The following ATP10B variants were observed in gnomAD, a reference collection of about 807,000 sequenced individuals.
The protein encoded by ATP10B is phospholipid-transporting ATPase VB.
In ATP10B, 122 loss-of-function variants were observed where a neutral mutation model predicts 141.2. The observed-to-expected ratio is 0.86, with a 90% CI of 0.75 to 1.00. The LOEUF (loss-of-function observed/expected upper bound fraction) is 1.00, where lower values mean the gene tolerates loss of function less well. ATP10B is among the 50% of genes least tolerant of loss of function. The pLI is 0.00. For missense variants in ATP10B, 1,876 were observed against 1,825.3 expected (o/e 1.03, Z -0.51); for synonymous variants, 685 against 692.0 (o/e 0.99, Z 0.16).
At chr5:160,697,879 G>T (rs1388776463) in intron 3 of ATP10B, among the ~76,000 whole-genome samples, 1 of 152,082 alleles carries the variant, frequency 6.6e-6, no homozygotes, top group South Asian at 2.1e-4. Flanking sequence ...TTTAACCCCC[G>T]ATTGGTTTTC....
chr5:160,647,578 C>T (rs1330197539), intron 8 of ATP10B, among the ~76,000 whole-genome samples: 1 of 152,134 alleles, frequency 6.6e-6, no homozygotes, highest in African/African-American at 2.4e-5. Context: ...TGGCTGTTAG[C>T]CTGAGCTGTT....
At chr5:160,878,099 A>T in the ATP10B span, among the ~76,000 whole-genome samples, 1 of 150,818 alleles carries the variant, frequency 6.6e-6, no homozygotes. Flanking sequence ...AAAAGAACAA[A>T]GCTGGAGGCA....
chr5:160,881,458 T>C, the ATP10B span, among the ~76,000 whole-genome samples: 67 of 152,312 alleles, frequency 4.4e-4, no homozygotes, highest in African/African-American at 1.5e-3. Context: ...CCAAAGGGAT[T>C]TAAAACTTTT....
At chr5:160,648,755 C>A (rs1760474626) in intron 8 of ATP10B, among the ~76,000 whole-genome samples, 1 of 152,102 alleles carries the variant, frequency 6.6e-6, no homozygotes, top group South Asian at 2.1e-4. Flanking sequence ...TACCCAAGGT[C>A]ATACAGCTTG....
At chr5:160,873,632 C>A in the ATP10B span, among the ~76,000 whole-genome samples, 1 of 152,204 alleles carries the variant, frequency 6.6e-6, no homozygotes, top group Non-Finnish European at 1.5e-5. Flanking sequence ...CCGGGTTCAT[C>A]TCACTAGGGA....
intron 1 of ATP10B, among the ~76,000 whole-genome samples, chr5:160,803,256 A>G (rs565351973): frequency 6.6e-6 from 1 of 152,260 alleles, no homozygotes; most frequent in African/African-American, 2.4e-5. Flanking sequence ...ACTGCTGTTG[A>G]CCACTACCCC....
intron 2 of ATP10B, among the ~76,000 whole-genome samples, chr5:160,769,271 A>G (rs930684898): frequency 4.6e-5 from 7 of 152,152 alleles, no homozygotes; most frequent in East Asian, 1.9e-4. Flanking sequence ...TTTGTTGCCA[A>G]TCCTGTCTTC....
intron 24 of ATP10B, among the ~76,000 whole-genome samples, chr5:160,576,136 G>T (rs10077637): frequency 0.064 from 9,766 of 152,110 alleles, 1,042 homozygotes; most frequent in African/African-American, 0.22. Context: ...GAATGGGGTC[G>T]GGTAGAATTG....
At chr5:160,900,054 TA>T in the ATP10B span, among the ~76,000 whole-genome samples, 2 of 152,110 alleles carry the variant, frequency 1.3e-5, no homozygotes, top group South Asian at 4.1e-4. Context: ...TTTCCCCGCA[TA>T]AGAGTGTGGA....
chr5:160,790,371 T>C (rs1395161105), intron 1 of ATP10B, among the ~76,000 whole-genome samples: 1 of 152,136 alleles, frequency 6.6e-6, no homozygotes, highest in African/African-American at 2.4e-5. Flanking sequence ...CTGAGGAAAG[T>C]TAGAGAGAAA....
chr5:160,878,681 A>G, the ATP10B span, among the ~76,000 whole-genome samples: 1 of 152,230 alleles, frequency 6.6e-6, no homozygotes, highest in Non-Finnish European at 1.5e-5. Context: ...ACTCAAACAA[A>G]TTTACAAGAA....
chr5:160,617,242 G>C (rs1758075029), intron 16 of ATP10B, among the ~76,000 whole-genome samples: 1 of 152,224 alleles, frequency 6.6e-6, no homozygotes, highest in Admixed American at 6.5e-5. Flanking sequence ...AGCCCTCACT[G>C]CCTGCCTGCC....
intron 2 of ATP10B, among the ~76,000 whole-genome samples, chr5:160,734,972 C>A (rs959449498): frequency 1.3e-5 from 2 of 150,604 alleles, no homozygotes; most frequent in Non-Finnish European, 1.5e-5. Flanking sequence ...CTCATAGTAA[C>A]CTCAAATTAA....
At position 160,589,573 on chromosome 5, in the gene ATP10B, G is replaced by T. The variant is rs1209295211; in HGVS notation, c.3750+19C>A. On this transcript the variant is annotated intron_variant, in intron 24 of 25. Transcript: ENST00000327245. Reference sequence around the variant, plus strand: ...GCAGGAGCACAGTTTTGAAGCCAAAGGGGCTCTGGGACACTTACCCATGTC... The same window carrying T: ...GCAGGAGCACAGTTTTGAAGCCAAATGGGCTCTGGGACACTTACCCATGTC... 6.3e-7 allele frequency: 1 copy of T among 1,594,448 alleles called. No homozygotes were observed. The highest frequency in any genetic ancestry group is 1.1e-5 in the South Asian group (1 of 90,628).
intron 1 of ATP10B, among the ~76,000 whole-genome samples, chr5:160,788,991 A>G (rs1426608540): frequency 6.6e-6 from 1 of 152,186 alleles, no homozygotes; most frequent in Admixed American, 6.5e-5. Flanking sequence ...TCTAAAGTGG[A>G]GAGATGAATT....
chr5:160,738,668 A>T (rs949846951), intron 2 of ATP10B, among the ~76,000 whole-genome samples: 4 of 152,146 alleles, frequency 2.6e-5, no homozygotes, highest in Admixed American at 6.5e-5. Flanking sequence ...AATATAAATG[A>T]TCAAAACAGA....
At chr5:160,582,385 T>C (rs1039778781) in intron 24 of ATP10B, among the ~76,000 whole-genome samples, 1 of 152,228 alleles carries the variant, frequency 6.6e-6, no homozygotes, top group Non-Finnish European at 1.5e-5. Flanking sequence ...TAAAGGATTT[T>C]ATTTCTCCTT....
rs115944937 is a variant in ATP10B at position 160,775,542 on chromosome 5, C to T, written c.-331+10017G>A. Among the ~76,000 whole-genome samples the T allele has an allele frequency of 3.1e-3, 478 of 152,262 alleles. 2 individuals carry two copies. Among genetic ancestry groups the T allele is most frequent in the Middle Eastern group, 6.8e-3 (2 of 294 alleles). ...TAACTTTTTGTTCTATCTCCAATCC[C>T]AGTCTCAAGTCAGCTTGACTCCTTT... On this transcript the variant is annotated intron_variant, in intron 2 of 25. Coordinates refer to ENST00000327245, the MANE Select transcript of ATP10B (RefSeq NM_025153.3).
chr5:160,767,835 G>C (rs1173458740), intron 2 of ATP10B, among the ~76,000 whole-genome samples: 1 of 152,104 alleles, frequency 6.6e-6, no homozygotes, highest in East Asian at 1.9e-4. Flanking sequence ...ACTATGAGTA[G>C]ACAAATGTAA....
Sources: allele counts gnomAD v4.1 joint callset (sites outside exome capture counted in the v4.1 genomes callset), GRCh38; gene constraint gnomAD v4.1.1; transcripts MANE v1.5; gene names NCBI Gene and HGNC (gene_info 2026-07-23, HGNC 2026-07-21).